KCNB2: variants seen among roughly 807,000 people sequenced by gnomAD.
KCNB2 encodes potassium voltage-gated channel subfamily B member 2, also known as delayed rectifier potassium channel protein.
A neutral mutation model predicts 61.5 loss-of-function variants in KCNB2; 15 were observed. The observed-to-expected ratio is 0.24, with a 90% confidence interval of 0.16 to 0.38. KCNB2 has a LOEUF of 0.38. Among genes scored for constraint, KCNB2 ranks in the 10% least tolerant of loss-of-function variants. The probability of loss-of-function intolerance (pLI) is 1.00; values close to 1 mark genes in which losing one functional copy is unlikely to be tolerated. For missense variants in KCNB2, 828 were observed against 1,125.2 expected (o/e 0.74, Z 3.78); for synonymous variants, 457 against 446.0 (o/e 1.02, Z -0.31).
At position 72,782,304 on chromosome 8, in the gene KCNB2, G is replaced by A. The variant is rs147459815; in HGVS notation, c.580-153631G>A. On this transcript the variant is annotated intron_variant, in intron 2 of 2. Coordinates refer to ENST00000523207, the MANE Select transcript of KCNB2 (RefSeq NM_004770.3). The stretch of plus-strand genomic sequence containing the variant: ...CTTAGATATAGGGAAAAATTGTAGG[G>A]TAAACGCACCTGATAGCAATAACAA... Among the ~76,000 whole-genome samples, 25 of 152,068 alleles carry A rather than the reference G, an allele frequency of 1.6e-4. No homozygotes were observed. In the East Asian group the frequency reaches 3.9e-3, roughly 24 times the overall value.
intron 2 of KCNB2, among the ~76,000 whole-genome samples, chr8:72,798,238 ATGTTT>A (rs1418309202): frequency 7.2e-5 from 11 of 152,160 alleles, no homozygotes; most frequent in Non-Finnish European, 1.5e-4. Context: ...CTTTCCTGTT[ATGTTT>A]TAAGACTAGC....
chr8:72,644,582 C>T (rs182910814), intron 2 of KCNB2, among the ~76,000 whole-genome samples: 123 of 152,280 alleles, frequency 8.1e-4, no homozygotes, highest in African/African-American at 2.8e-3. Flanking sequence ...GGAACATAAA[C>T]ATAGCCTCAG....
chr8:72,600,521 T>C (rs998957316), intron 2 of KCNB2, among the ~76,000 whole-genome samples: 6 of 151,564 alleles, frequency 4.0e-5, no homozygotes, highest in African/African-American at 1.5e-4. Context: ...TGCAGCACAC[T>C]AACATGGCAC....
chr8:72,891,344 G>C (rs924103939), intron 2 of KCNB2, among the ~76,000 whole-genome samples: 4 of 152,148 alleles, frequency 2.6e-5, no homozygotes, highest in African/African-American at 7.2e-5. Flanking sequence ...ATAGTTGTGG[G>C]TTATGCAGGA....
intron 2 of KCNB2, among the ~76,000 whole-genome samples, chr8:72,577,430 A>C (rs1269975629): frequency 1.3e-5 from 2 of 152,214 alleles, no homozygotes; most frequent in Non-Finnish European, 2.9e-5. Context: ...GAACTTCAGC[A>C]TGTATTTGGC....
At chr8:72,641,860 G>C (rs1806061100) in intron 2 of KCNB2, among the ~76,000 whole-genome samples, 2 of 152,156 alleles carry the variant, frequency 1.3e-5, no homozygotes, top group Non-Finnish European at 1.5e-5. Flanking sequence ...TAAGTGAGGA[G>C]CTAGATGGTT....
At chr8:72,820,389 T>C (rs140749835) in intron 2 of KCNB2, among the ~76,000 whole-genome samples, 51 of 152,302 alleles carry the variant, frequency 3.3e-4, no homozygotes, top group Non-Finnish European at 5.0e-4. Flanking sequence ...CAATGAACTT[T>C]CCAATTAATT....
At chr8:72,722,207 C>T (rs996409226) in intron 2 of KCNB2, among the ~76,000 whole-genome samples, 3 of 152,182 alleles carry the variant, frequency 2.0e-5, no homozygotes, top group Non-Finnish European at 2.9e-5. Context: ...GCATGCACCT[C>T]CTCACCAACC....
intron 2 of KCNB2, among the ~76,000 whole-genome samples, chr8:72,812,494 G>A (rs1809323699): frequency 6.6e-6 from 1 of 151,912 alleles, no homozygotes; most frequent in African/African-American, 2.4e-5. Flanking sequence ...GCCAGTTTTT[G>A]ACTAACACAG....
intron 2 of KCNB2, among the ~76,000 whole-genome samples, chr8:72,710,645 A>G (rs1035518735): frequency 6.6e-6 from 1 of 152,192 alleles, no homozygotes; most frequent in Non-Finnish European, 1.5e-5. Context: ...TCCCGGACCC[A>G]ATCACATAGT....
chr8:72,905,822 T>C (rs140815270), intron 2 of KCNB2, among the ~76,000 whole-genome samples: 101 of 152,058 alleles, frequency 6.6e-4, no homozygotes, highest in Non-Finnish European at 1.1e-3. Flanking sequence ...CATCCAGAAC[T>C]CATGCAGTAG....
chr8:72,918,339 T>A (rs567788226), intron 2 of KCNB2, among the ~76,000 whole-genome samples: 1 of 152,182 alleles, frequency 6.6e-6, no homozygotes, highest in East Asian at 1.9e-4. Context: ...AATGAGAGAA[T>A]GGGGTTGTGG....
chr8:72,550,746 G>A (rs531592368), intron 1 of KCNB2, among the ~76,000 whole-genome samples: 2 of 152,320 alleles, frequency 1.3e-5, no homozygotes, highest in Admixed American at 6.5e-5. Flanking sequence ...AAGGAGATCA[G>A]TCAGGTATGG....
At chr8:72,675,549 G>C (rs1390525979) in intron 2 of KCNB2, among the ~76,000 whole-genome samples, 1 of 150,262 alleles carries the variant, frequency 6.7e-6, no homozygotes, top group African/African-American at 2.5e-5. Context: ...GTCTCACTCT[G>C]TCACCCAGGC....
At chr8:72,595,713 T>C (rs1807179009) in intron 2 of KCNB2, among the ~76,000 whole-genome samples, 2 of 152,200 alleles carry the variant, frequency 1.3e-5, no homozygotes. Flanking sequence ...GTCCTGGTCA[T>C]GTGTTCCCAT....
At chr8:72,727,061 T>C (rs781668462) in intron 2 of KCNB2, among the ~76,000 whole-genome samples, 1 of 152,174 alleles carries the variant, frequency 6.6e-6, no homozygotes. Flanking sequence ...TTTTTGCTCA[T>C]TGGATTAAAA....
intron 2 of KCNB2, among the ~76,000 whole-genome samples, chr8:72,867,691 T>C (rs1044710568): frequency 5.3e-5 from 8 of 152,226 alleles, no homozygotes; most frequent in African/African-American, 1.7e-4. Context: ...CGAGAAGGCA[T>C]GCCCAACAAA....
chr8:72,739,624 GT>G lies in KCNB2; in HGVS notation c.579+171314del, dbSNP rs1446189888. On this transcript the variant is annotated intron_variant, in intron 2 of 2. Transcript: ENST00000523207. ...TGATAAATCTGGAAAATTACATATG[GT>G]TTGGTATGGCTGGGGCTTTGAGTTT... Among the ~76,000 whole-genome samples, 3 of 151,896 alleles carry G rather than the reference GT, an allele frequency of 2.0e-5. No homozygotes were observed. The East Asian group carries it at 5.8e-4, about 29-fold the overall frequency.
chr8:72,767,242 CT>C (rs1166173145), intron 2 of KCNB2, among the ~76,000 whole-genome samples: 4 of 152,108 alleles, frequency 2.6e-5, no homozygotes, highest in Admixed American at 6.6e-5. Context: ...TCCTTTCTTT[CT>C]TTTTTTAATA....
Sources: allele counts gnomAD v4.1 joint callset (sites outside exome capture counted in the v4.1 genomes callset), GRCh38; gene constraint gnomAD v4.1.1; transcripts MANE v1.5; gene names NCBI Gene and HGNC (gene_info 2026-07-23, HGNC 2026-07-21).